OSBPL10: variants seen among roughly 807,000 people sequenced by gnomAD.
OSBPL10 encodes the protein oxysterol binding protein like 10.
In OSBPL10, 49 loss-of-function variants were observed where a neutral mutation model predicts 81.7. The ratio of observed to expected loss-of-function variants is 0.60; its 90% confidence interval spans 0.48 to 0.76. The LOEUF is 0.76. OSBPL10 is among the 30% of genes least tolerant of loss of function. OSBPL10 has a pLI of 0.00. For missense variants in OSBPL10, 923 were observed against 987.8 expected (o/e 0.93, Z 0.88); for synonymous variants, 419 against 383.6 (o/e 1.09, Z -1.08).
chr3:31,781,831 C>A (rs1200733677), intron 4 of OSBPL10, among the ~76,000 whole-genome samples: 1 of 152,114 alleles, frequency 6.6e-6, no homozygotes, highest in Non-Finnish European at 1.5e-5. Flanking sequence ...GGAAATATAT[C>A]CCATGTTCAT....
At chr3:32,012,112 G>A (rs1370150488) in intron 2 of OSBPL10, among the ~76,000 whole-genome samples, 1 of 152,114 alleles carries the variant, frequency 6.6e-6, no homozygotes, top group African/African-American at 2.4e-5. Context: ...GATACTCCTT[G>A]GGAAGAGCAA....
At chr3:31,833,343 T>C (rs11716783) in intron 3 of OSBPL10, among the ~76,000 whole-genome samples, 116,306 of 152,000 alleles carry the variant, frequency 0.77, 44,702 homozygotes, top group East Asian at 0.93. Flanking sequence ...GTTATTTAAG[T>C]TTTCTCATTA....
intron 7 of OSBPL10, among the ~76,000 whole-genome samples, chr3:31,685,001 G>C (rs1408486898): frequency 6.6e-6 from 1 of 152,162 alleles, no homozygotes; most frequent in Admixed American, 6.5e-5. Flanking sequence ...GGATCCAGGT[G>C]GTCACTCAGG....
chr3:31,762,457 G>A (rs1052337921), intron 4 of OSBPL10, among the ~76,000 whole-genome samples: 3 of 151,798 alleles, frequency 2.0e-5, no homozygotes, highest in East Asian at 1.9e-4. Context: ...TTGGCCACAA[G>A]CAAGGCTGGT....
chr3:32,017,556 G>T (rs1180261713), intron 2 of OSBPL10, among the ~76,000 whole-genome samples: 1 of 152,032 alleles, frequency 6.6e-6, no homozygotes, highest in African/African-American at 2.4e-5. Context: ...TGGTCTGTTT[G>T]GGCCCAGGGT....
intron 1 of OSBPL10, among the ~76,000 whole-genome samples, chr3:31,938,122 C>T (rs1347910671): frequency 6.6e-6 from 1 of 152,152 alleles, no homozygotes; most frequent in African/African-American, 2.4e-5. Context: ...CCTGAGATCT[C>T]TCATGCCACC....
In OSBPL10 at chr3:31,771,568, T is replaced by C. The variant is rs146764147; in HGVS notation, c.730-23448A>G. Among the ~76,000 whole-genome samples, 329 of 152,226 alleles carry C rather than the reference T, an allele frequency of 2.2e-3. 3 individuals carry two copies. In the Middle Eastern group the frequency reaches 0.051, roughly 24 times the overall value. On this transcript the variant is annotated intron_variant, in intron 4 of 11. Transcript: ENST00000396556. ...CCAGACCTCCACAAACAAGTTTTAT[T>C]GGGGTATAAAGGAACTCCCCAAACC... is the stretch of plus-strand genomic sequence containing the variant.
At chr3:31,674,273 G>C (rs1700398118) in intron 8 of OSBPL10, among the ~76,000 whole-genome samples, 1 of 152,120 alleles carries the variant, frequency 6.6e-6, no homozygotes, top group African/African-American at 2.4e-5. Context: ...AAAGAGGCTA[G>C]GCCTGTGCAG....
At chr3:31,992,836 GT>G (rs910176215) in intron 2 of OSBPL10, among the ~76,000 whole-genome samples, 3 of 152,132 alleles carry the variant, frequency 2.0e-5, no homozygotes, top group Admixed American at 6.5e-5. Context: ...TGTCCAGAAA[GT>G]TTTTTAAATA....
At chr3:31,754,743 G>A (rs1037383343) in intron 4 of OSBPL10, among the ~76,000 whole-genome samples, 1 of 152,094 alleles carries the variant, frequency 6.6e-6, no homozygotes, top group East Asian at 1.9e-4. Context: ...GCAGCCAGAG[G>A]CAATGAATAA....
chr3:31,675,503 G>A (rs1700444973), intron 8 of OSBPL10, among the ~76,000 whole-genome samples: 1 of 152,102 alleles, frequency 6.6e-6, no homozygotes, highest in Non-Finnish European at 1.5e-5. Context: ...ATCTCCCATG[G>A]CTGTCGTAAA....
chr3:32,049,238 A>T (rs1699650458), intron 1 of OSBPL10, among the ~76,000 whole-genome samples: 1 of 151,818 alleles, frequency 6.6e-6, no homozygotes, highest in Admixed American at 6.6e-5. Context: ...TACTGTATAG[A>T]CTCACCCCAA....
chr3:31,712,173 G>A (rs1384710963), intron 6 of OSBPL10, among the ~76,000 whole-genome samples: 2 of 152,186 alleles, frequency 1.3e-5, no homozygotes, highest in Non-Finnish European at 2.9e-5. Context: ...AGCCCATCTG[G>A]TCCAACAGCT....
intron 1 of OSBPL10, among the ~76,000 whole-genome samples, chr3:31,887,607 C>A (rs1291883063): frequency 6.6e-6 from 1 of 152,014 alleles, no homozygotes; most frequent in Non-Finnish European, 1.5e-5. Flanking sequence ...TTCTTCCTTC[C>A]CTATAGTAGT....
In OSBPL10 at chr3:31,857,217, G is replaced by A. The variant is rs578229124; in HGVS notation, c.537+19216C>T. Among the ~76,000 whole-genome samples the A allele has an allele frequency of 3.3e-5, 5 of 152,272 alleles. No homozygotes were observed. The South Asian group carries it at 8.3e-4, about 25-fold the overall frequency. On this transcript the variant is annotated intron_variant, in intron 3 of 11. Coordinates refer to ENST00000396556, the MANE Select transcript of OSBPL10 (RefSeq NM_017784.5). ...CCCCAGCACCGGAGGGTTTTGTCAA[G>A]GAAGAGGCCACTCAACAGAGACTAT...
chr3:31,833,751 CTAA>C (rs1245541945), intron 3 of OSBPL10, among the ~76,000 whole-genome samples: 19 of 144,852 alleles, frequency 1.3e-4, no homozygotes, highest in African/African-American at 4.9e-4. Context: ...TCTCTCTCTT[CTAA>C]TTCTGAGTAG....
intron 8 of OSBPL10, among the ~76,000 whole-genome samples, chr3:31,678,648 T>TA (rs1156438281): frequency 6.6e-6 from 1 of 152,170 alleles, no homozygotes; most frequent in Non-Finnish European, 1.5e-5. Context: ...ATTGACCCTC[T>TA]ACTCCAATTT....
chr3:32,053,348 G>C (rs1008079663), intron 1 of OSBPL10, among the ~76,000 whole-genome samples: 2 of 152,246 alleles, frequency 1.3e-5, no homozygotes, highest in African/African-American at 4.8e-5. Flanking sequence ...GTTTGAGCAA[G>C]TTGTGGAAGG....
intron 3 of OSBPL10, among the ~76,000 whole-genome samples, chr3:31,870,150 G>A (rs1049619999): frequency 6.6e-6 from 1 of 152,252 alleles, no homozygotes; most frequent in Non-Finnish European, 1.5e-5. Context: ...CCGGGGCTGC[G>A]CACTGCGCTT....
Sources: gnomAD v4.1 joint callset for allele counts (sites outside exome capture counted in the v4.1 genomes callset) on GRCh38, gnomAD v4.1.1 for gene constraint, MANE v1.5 for transcripts, NCBI Gene and HGNC (gene_info 2026-07-23, HGNC 2026-07-21) for gene names.